Variants in GCA observed in about 807,000 individuals in gnomAD.
GCA encodes grancalcin, EF-hand calcium-binding protein.
A neutral mutation model predicts 32.6 loss-of-function variants in GCA; 30 were observed. The ratio of observed to expected loss-of-function variants is 0.92; its 90% CI spans 0.69 to 1.25. GCA has a LOEUF of 1.25. Ranked by LOEUF, GCA falls within the 50% of genes most tolerant of loss-of-function variation. GCA has a pLI of 0.00. For synonymous variants in GCA, 102 were observed against 84.6 expected (o/e 1.21, Z -1.13); for missense variants, 291 against 266.8 (o/e 1.09, Z -0.63).
chr2:162,374,859 A>G (rs529790741), downstream of GCA, among the ~76,000 whole-genome samples: 1 of 152,288 alleles, frequency 6.6e-6, no homozygotes, highest in South Asian at 2.1e-4. Flanking sequence ...ATGATACATG[A>G]CTTTGCAAAT....
rs894345698 is a variant in GCA at position 162,361,077 on chromosome 2, C to A, written c.*834C>A. ...TTAAATTGTTGTTTAAATGTAATGT[C>A]AACTCTTTATAAACTTAAAAATAAA... On this transcript the variant is annotated 3_prime_UTR_variant, in exon 8 of 8. Transcript: ENST00000437150. 18 of 944,134 alleles carry A rather than the reference C, an allele frequency of 1.9e-5. No individual in the cohort carries two copies. The highest frequency in any genetic ancestry group is 2.3e-5 in the Non-Finnish European group (18 of 785,586). 58.5% of individuals were successfully genotyped at this position (944,134 alleles called of 1,614,324 possible).
downstream of GCA, chr2:162,371,691 T>G (rs1375631108): frequency 2.0e-5 from 18 of 910,460 alleles, no homozygotes; most frequent in Non-Finnish European, 1.3e-5. Context: ...CAAGCTTCAA[T>G]TTAGGAAAAT....
intron 1 of GCA, among the ~76,000 whole-genome samples, chr2:162,347,027 T>G (rs1338634563): frequency 1.3e-5 from 2 of 152,194 alleles, no homozygotes; most frequent in Admixed American, 1.3e-4. Context: ...CTTTAAACAT[T>G]TTGCTTCCCG....
At chr2:162,334,377 T>A (rs1684193034) in intron 1 of GCA, among the ~76,000 whole-genome samples, 1 of 152,126 alleles carries the variant, frequency 6.6e-6, no homozygotes, top group African/African-American at 2.4e-5. Flanking sequence ...GCAGAGAAGA[T>A]AACCTTCTAC....
At chr2:162,340,820 A>G (rs1440452578), upstream of GCA, among the ~76,000 whole-genome samples, 2 of 152,216 alleles carry the variant, frequency 1.3e-5, no homozygotes, top group African/African-American at 4.8e-5. Flanking sequence ...CTTCATGGAA[A>G]TGTCTTCCTA....
intron 5 of GCA, 60 bp from the exon 6 acceptor site, chr2:162,358,984 C>A (rs976143765): frequency 9.5e-6 from 7 of 734,762 alleles, no homozygotes; most frequent in Non-Finnish European, 1.6e-5. Context: ...AATGAGAAAG[C>A]AATCTTGCAG....
At position 162,347,676 on chromosome 2, in the gene GCA, A is replaced by G; in HGVS notation, c.126A>G (p.Ala42=). The change falls in exon 2 of 8, where the codon GCA becomes GCG. Residue 42 remains alanine, a synonymous_variant. Transcript: ENST00000437150. ...TCCTCGATGGATACTCTGGGCCAGC[A>G]TATTCAGACACTTATTCCTCAGCTG... ...AILLDGYSGP[A]YSDTYSSAGD... 1 of 1,610,146 alleles carries G rather than the reference A, an allele frequency of 6.2e-7. No homozygotes were observed.
Position 162,321,925 on chromosome 2 carries a change from TATATATATAC to T in GCA, c.-31+2702_-31+2711del, listed in dbSNP as rs1407001361. 2.6e-3 allele frequency among the ~76,000 whole-genome samples: 195 copies of T among 73,960 alleles called. 5 individuals carry two copies. Among genetic ancestry groups the T allele is most frequent in the African/African-American group, 0.017 (183 of 11,038 alleles). The allele number at this position is 73,960 out of a possible 152,430, so 48.5% of individuals were successfully genotyped here. A position where few individuals can be genotyped will look rare whatever the true frequency, so the allele number is the denominator to read the frequency against. On this transcript the variant is annotated intron_variant, in intron 1 of 4. Transcript: ENST00000429691. The stretch of plus-strand genomic sequence containing the variant: ...ATATATATATATATATATATATATA[TATATATATAC>T]ACACATACATATAAACACTATATAA...
chr2:162,319,116 A>G (rs1044927362), exon 1 of GCA: 5 of 456,340 alleles, frequency 1.1e-5, no homozygotes, highest in African/African-American at 1.0e-4. Flanking sequence ...GATGAAGCTC[A>G]GAAGACATCT....
chr2:162,351,046 C>T (rs532197288), intron 2 of GCA, among the ~76,000 whole-genome samples: 1 of 152,202 alleles, frequency 6.6e-6, no homozygotes, highest in East Asian at 1.9e-4. Flanking sequence ...TAATAATGCT[C>T]TATGAAAAAC....
chr2:162,371,073 C>A (rs1685920565), intron 4 of GCA, among the ~76,000 whole-genome samples: 1 of 152,004 alleles, frequency 6.6e-6, no homozygotes, highest in Admixed American at 6.6e-5. Flanking sequence ...CTTAAGGAGA[C>A]CACACCATCC....
At chr2:162,372,225 A>C (rs956319957), downstream of GCA, 2 of 726,888 alleles carry the variant, frequency 2.8e-6, no homozygotes, top group African/African-American at 1.8e-5. Flanking sequence ...ATTAGCCAAC[A>C]TTTCCCTCCT....
At chr2:162,335,050 T>C (rs115089386) in intron 1 of GCA, among the ~76,000 whole-genome samples, 287 of 152,286 alleles carry the variant, frequency 1.9e-3, no homozygotes, top group African/African-American at 6.4e-3. Flanking sequence ...ACTGACCCCT[T>C]TCCCAGCTAT....
chr2:162,374,893 C>A (rs978247066), downstream of GCA, among the ~76,000 whole-genome samples: 1 of 152,018 alleles, frequency 6.6e-6, no homozygotes, highest in Admixed American at 6.6e-5. Flanking sequence ...ATGTCAAAAC[C>A]ACTCTGAAAA....
In GCA at chr2:162,362,491, G is replaced by C. The variant is rs1431266697; in HGVS notation, c.*2248G>C. The C allele has an allele frequency of 3.1e-6, 3 of 969,988 alleles. No individual in the cohort carries two copies. The highest frequency in any genetic ancestry group is 2.3e-4 in the East Asian group (2 of 8,732). The allele number at this position is 969,988 out of a possible 1,614,324, so 60.1% of individuals were successfully genotyped here. On this transcript the variant is annotated 3_prime_UTR_variant, in exon 8 of 8. Coordinates refer to ENST00000437150, the MANE Select transcript of GCA (RefSeq NM_012198.5). ...GAATATAGTATAGTAGTTTGCACTG[G>C]TTAACTTACACCCCAGTTCTTTTAC...
chr2:162,371,438 A>G (rs973083594), exon 5 of GCA: 1 of 1,287,594 alleles, frequency 7.8e-7, no homozygotes, highest in African/African-American at 1.5e-5. Flanking sequence ...TTTGAGTTGC[A>G]TCCATGAACA....
At chr2:162,374,689 C>A (rs1273285382), downstream of GCA, among the ~76,000 whole-genome samples, 2 of 151,820 alleles carry the variant, frequency 1.3e-5, no homozygotes, top group African/African-American at 4.8e-5. Context: ...CATAATAAAC[C>A]TGGAAAACAT....
At chr2:162,337,970 C>A (rs1684323381) in intron 1 of GCA, among the ~76,000 whole-genome samples, 1 of 152,090 alleles carries the variant, frequency 6.6e-6, no homozygotes, top group Non-Finnish European at 1.5e-5. Context: ...ATTTCCTGAA[C>A]ATGAAAAATA....
chr2:162,319,679 C>T (rs1030194525), intron 1 of GCA, among the ~76,000 whole-genome samples: 14 of 152,182 alleles, frequency 9.2e-5, no homozygotes, highest in African/African-American at 3.4e-4. Flanking sequence ...AAGGTTACTA[C>T]TCATTCTGAA....
Sources: gnomAD v4.1 joint callset for allele counts (sites outside exome capture counted in the v4.1 genomes callset) on GRCh38, gnomAD v4.1.1 for gene constraint, MANE v1.5 for transcripts, NCBI Gene and HGNC (gene_info 2026-07-23, HGNC 2026-07-21) for gene names.